SCFD2: variants seen among roughly 807,000 people sequenced by gnomAD.
SCFD2 encodes sec1 family domain containing 2.
SCFD2 carries 54 observed loss-of-function variants against 58.9 expected under a neutral mutation model. The ratio of observed to expected loss-of-function variants is 0.92; its 90% CI spans 0.74 to 1.15. The LOEUF is 1.15. Ranked by LOEUF, SCFD2 falls within the 50% of genes most tolerant of loss-of-function variation. The pLI, the probability that SCFD2 is intolerant of heterozygous loss-of-function variation, is 0.00. For missense variants in SCFD2, 805 were observed against 836.6 expected, an observed-to-expected ratio of 0.96 and a Z score of 0.47; for synonymous variants, 321 against 335.9, an observed-to-expected ratio of 0.96 and a Z score of 0.49.
chr4:52,962,313 T>C (rs1720870440), intron 5 of SCFD2, among the ~76,000 whole-genome samples: 2 of 152,166 alleles, frequency 1.3e-5, no homozygotes, highest in African/African-American at 4.8e-5. Context: ...AAGCTCCAAC[T>C]CAAAGCAGAA....
chr4:53,268,794 C>T (rs1016125520), intron 4 of SCFD2, among the ~76,000 whole-genome samples: 1 of 152,128 alleles, frequency 6.6e-6, no homozygotes, highest in Non-Finnish European at 1.5e-5. Context: ...GAGAGAACAT[C>T]CGTGTGGGCT....
intron 5 of SCFD2, among the ~76,000 whole-genome samples, chr4:53,123,654 C>T (rs746032755): frequency 1.3e-5 from 2 of 152,152 alleles, no homozygotes; most frequent in African/African-American, 4.8e-5. Flanking sequence ...CCTCCAAGTA[C>T]ACAACTCTCA....
At chr4:52,948,014 T>C (rs1395743994) in intron 5 of SCFD2, among the ~76,000 whole-genome samples, 1 of 120,014 alleles carries the variant, frequency 8.3e-6, no homozygotes. Context: ...GAAGAAATCA[T>C]GTGAATCACA....
chr4:52,992,715 C>T (rs373184233), intron 5 of SCFD2, among the ~76,000 whole-genome samples: 3 of 152,072 alleles, frequency 2.0e-5, no homozygotes, highest in African/African-American at 7.2e-5. Flanking sequence ...TCCGCCCGGC[C>T]GCCCCGTCTG....
chr4:53,176,966 A>T (rs938767626), intron 4 of SCFD2, among the ~76,000 whole-genome samples: 75 of 149,146 alleles, frequency 5.0e-4, no homozygotes, highest in African/African-American at 1.7e-3. Flanking sequence ...AAAAAAAAAG[A>T]AAGAAAAAAA....
chr4:53,239,429 G>GGAGGGA lies in SCFD2; in HGVS notation c.1311+34391_1311+34396dup, dbSNP rs574905633. On this transcript the variant is annotated intron_variant, in intron 4 of 8. Transcript: ENST00000401642. ...GAGAGGGAGAGGGAGAGGAGGGAGA[G>GGAGGGA]GAGGGAGAGGGAGAGGGAGAGGGAG... 1.2e-3 allele frequency among the ~76,000 whole-genome samples: 166 copies of GGAGGGA among 142,406 alleles called. 1 individual carries two copies. The highest frequency in any genetic ancestry group is 1.5e-3 in the African/African-American group (57 of 37,894). The allele number at this position is 142,406 out of a possible 152,430, so 93.4% of individuals were successfully genotyped here.
intron 5 of SCFD2, among the ~76,000 whole-genome samples, chr4:53,017,146 G>T (rs1390490709): frequency 6.6e-6 from 1 of 152,106 alleles, no homozygotes; most frequent in African/African-American, 2.4e-5. Flanking sequence ...AAAAGTTCTT[G>T]CCATAGTAAT....
intron 4 of SCFD2, among the ~76,000 whole-genome samples, chr4:53,251,430 A>G (rs1011147431): frequency 6.6e-6 from 1 of 152,232 alleles, no homozygotes; most frequent in Non-Finnish European, 1.5e-5. Context: ...GACACAACAA[A>G]AAAAGAGAAT....
At chr4:53,217,518 T>TTTTGA (rs1376236169) in intron 4 of SCFD2, among the ~76,000 whole-genome samples, 1 of 152,224 alleles carries the variant, frequency 6.6e-6, no homozygotes, top group Non-Finnish European at 1.5e-5. Context: ...CATCCCTTTA[T>TTTTGA]TTTGAGCCTA....
Position 53,090,052 on chromosome 4 carries a change from C to T in SCFD2, c.1561+55281G>A, listed in dbSNP as rs1432523880. Reference sequence around the variant, plus strand: ...ATAATAAAATGTGTTGACTTCCAAGCACTGCATAGTTTTGCAATGGAAAAC... The same window carrying T: ...ATAATAAAATGTGTTGACTTCCAAGTACTGCATAGTTTTGCAATGGAAAAC... On this transcript the variant is annotated intron_variant, in intron 5 of 8. Coordinates refer to ENST00000401642, the MANE Select transcript of SCFD2 (RefSeq NM_152540.4). Among the ~76,000 whole-genome samples, 3 of 152,130 alleles carry T rather than the reference C, an allele frequency of 2.0e-5. No individual in the cohort carries two copies. The East Asian group carries it at 5.8e-4, about 29-fold the overall frequency.
chr4:53,186,545 G>A (rs1054716526), intron 4 of SCFD2, among the ~76,000 whole-genome samples: 10 of 152,002 alleles, frequency 6.6e-5, no homozygotes, highest in African/African-American at 2.4e-4. Flanking sequence ...TAAAAACAAA[G>A]AAAGAGTCAT....
chr4:53,225,571 A>C (rs1729186113), intron 4 of SCFD2, among the ~76,000 whole-genome samples: 2 of 152,196 alleles, frequency 1.3e-5, no homozygotes, highest in African/African-American at 4.8e-5. Flanking sequence ...ACCCTATATA[A>C]AATTTTTAGA....
rs112387985 is a variant in SCFD2, at chr4:53,245,858, AG to A, written c.1311+27967del. Among the ~76,000 whole-genome samples the A allele has an allele frequency of 9.1e-3, 1,388 of 152,276 alleles. 21 individuals carry two copies. The highest frequency in any genetic ancestry group is 0.032 in the African/African-American group (1,309 of 41,550). On this transcript the variant is annotated intron_variant, in intron 4 of 8. Coordinates refer to ENST00000401642, the MANE Select transcript of SCFD2 (RefSeq NM_152540.4). Reference sequence around the variant, plus strand: ...ATTGGAAGTCCTGGTCAGAGCAATTAGGCAAGAGAAATAAATAAAAGACATC... The same window carrying A: ...ATTGGAAGTCCTGGTCAGAGCAATTAGCAAGAGAAATAAATAAAAGACATC...
chr4:53,166,502 T>TTGGAGGGCTCCTTATA (rs1727013100), intron 4 of SCFD2, among the ~76,000 whole-genome samples: 1 of 151,976 alleles, frequency 6.6e-6, no homozygotes, highest in South Asian at 2.1e-4. Context: ...AGGAGGTACA[T>TTGGAGGGCTCCTTATA]AGAGAGATTG....
At position 53,087,763 on chromosome 4, in the gene SCFD2, C is replaced by T. The variant is rs374411590; in HGVS notation, c.1561+57570G>A. Among the ~76,000 whole-genome samples, 35 of 148,398 alleles carry T rather than the reference C, an allele frequency of 2.4e-4. No homozygotes were observed. In the East Asian group the frequency reaches 6.0e-3, roughly 26 times the overall value. On this transcript the variant is annotated intron_variant, in intron 5 of 8. Coordinates refer to ENST00000401642, the MANE Select transcript of SCFD2 (RefSeq NM_152540.4). ...CAACCTCTGCCTCCCAGGTTTCAAG[C>T]GATTTTCCTGCCTCAGCCTCCCGAG... is the stretch of plus-strand genomic sequence containing the variant.
At chr4:53,165,596 C>T (rs1326117932) in intron 4 of SCFD2, among the ~76,000 whole-genome samples, 5 of 152,134 alleles carry the variant, frequency 3.3e-5, no homozygotes, top group Non-Finnish European at 7.4e-5. Flanking sequence ...CCACACTGGC[C>T]TCCATTCACC....
intron 5 of SCFD2, among the ~76,000 whole-genome samples, chr4:53,057,955 T>C (rs142828121): frequency 6.6e-5 from 10 of 151,974 alleles, no homozygotes; most frequent in Middle Eastern, 3.4e-3. Context: ...GCTTAGAGGG[T>C]AGAAAAGTAC....
At position 53,127,754 on chromosome 4, in the gene SCFD2, T is replaced by C. The variant is rs1577753241; in HGVS notation, c.1561+17579A>G. Among the ~76,000 whole-genome samples, 7 of 151,834 alleles carry C rather than the reference T, an allele frequency of 4.6e-5. No homozygotes were observed. In the South Asian group the frequency reaches 1.5e-3, roughly 32 times the overall value. On this transcript the variant is annotated intron_variant, in intron 5 of 8. Transcript: ENST00000401642. ...AGGCCTGTGTCTGGGACAGAGGGAATGAAAGAAAAAAATGGCCTCCAGACT... is the reference window on the plus strand; with the variant it reads ...AGGCCTGTGTCTGGGACAGAGGGAACGAAAGAAAAAAATGGCCTCCAGACT...
chr4:53,213,672 T>A (rs545114392), intron 4 of SCFD2, among the ~76,000 whole-genome samples: 3 of 151,976 alleles, frequency 2.0e-5, no homozygotes, highest in African/African-American at 7.3e-5. Context: ...TTATTTATTT[T>A]TTTATAAAGT....
Sources: allele counts gnomAD v4.1 joint callset (sites outside exome capture counted in the v4.1 genomes callset), GRCh38; gene constraint gnomAD v4.1.1; transcripts MANE v1.5; gene names NCBI Gene and HGNC (gene_info 2026-07-23, HGNC 2026-07-21).